The following PKP4 variants were observed in gnomAD, a reference collection of about 807,000 sequenced individuals.
The protein encoded by PKP4 is plakophilin 4.
Under a neutral mutation model 145.1 loss-of-function variants are expected in PKP4, and 90 were observed. That is an observed-to-expected ratio of 0.62 (90% CI 0.52 to 0.74). The LOEUF (loss-of-function observed/expected upper bound fraction) is 0.74, where lower values mean the gene tolerates loss of function less well. Ranked by LOEUF, PKP4 falls within the 30% of genes least tolerant of loss-of-function variation. PKP4 has a pLI of 0.00. For synonymous variants in PKP4, 563 were observed against 577.2 expected (o/e 0.98, Z 0.35); for missense variants, 1,340 against 1,482.7 (o/e 0.90, Z 1.58).
At chr2:158,678,148 G>A (rs965692810) in intron 20 of PKP4, among the ~76,000 whole-genome samples, 2 of 152,110 alleles carry the variant, frequency 1.3e-5, no homozygotes, top group African/African-American at 4.8e-5. Context: ...GAAGGCATGG[G>A]GCTTGTTCGA....
chr2:158,623,211 A>T (rs957177754), intron 6 of PKP4, among the ~76,000 whole-genome samples: 1 of 152,076 alleles, frequency 6.6e-6, no homozygotes, highest in African/African-American at 2.4e-5. Flanking sequence ...TCACTCTGTC[A>T]CCCAGGCTGG....
At chr2:158,523,341 T>G (rs2042607903) in intron 1 of PKP4, among the ~76,000 whole-genome samples, 1 of 71,136 alleles carries the variant, frequency 1.4e-5, no homozygotes, top group African/African-American at 5.8e-5. Context: ...CCGAGCAGCC[T>G]AACCGGGAGG....
chr2:158,572,894 A>G (rs2214903), intron 2 of PKP4, among the ~76,000 whole-genome samples: 55,864 of 152,104 alleles, frequency 0.37, 11,715 homozygotes, highest in East Asian at 0.63. Flanking sequence ...ACTCTCATTT[A>G]TTACTGGCTG....
chr2:158,514,284 C>T (rs2041757701), intron 1 of PKP4, among the ~76,000 whole-genome samples: 1 of 152,164 alleles, frequency 6.6e-6, no homozygotes, highest in African/African-American at 2.4e-5. Flanking sequence ...GAACCAAGAG[C>T]GTATGGTTAG....
intron 11 of PKP4, 42 bp from the exon 12 acceptor site, chr2:158,658,089 C>G (rs1344383463): frequency 9.0e-7 from 1 of 1,109,264 alleles, no homozygotes; most frequent in Admixed American, 2.0e-5. Context: ...TCTAAAGCCA[C>G]AGGATCTCTA....
chr2:158,680,772 A>C lies in PKP4; in HGVS notation c.*95A>C. On this transcript the variant is annotated 3_prime_UTR_variant, in exon 22 of 22. Coordinates refer to ENST00000389759, the MANE Select transcript of PKP4 (RefSeq NM_003628.6). ...GCTGATTTGATGATTGAAATGTGAA[A>C]GTGAAGTGGAAGGAATGAATGAAGT... The C allele has an allele frequency of 9.0e-7, 1 of 1,113,738 alleles. No individual in the cohort carries two copies. Among genetic ancestry groups the C allele is most frequent in the Non-Finnish European group, 1.3e-6 (1 of 774,670 alleles). The allele number at this position is 1,113,738 out of a possible 1,614,324, so 69.0% of individuals were successfully genotyped here.
chr2:158,584,127 CGAGGCCAACT>C (rs1441592384), intron 3 of PKP4, among the ~76,000 whole-genome samples: 1 of 152,174 alleles, frequency 6.6e-6, no homozygotes, highest in African/African-American at 2.4e-5. Context: ...CCCAGTGATT[CGAGGCCAACT>C]GAGGCTCCGG....
chr2:158,542,843 A>G (rs2105667885), intron 2 of PKP4, among the ~76,000 whole-genome samples: 1 of 152,318 alleles, frequency 6.6e-6, no homozygotes, highest in East Asian at 1.9e-4. Flanking sequence ...GAAACAAATG[A>G]CAAATCTAGA....
At chr2:158,462,883 G>C (rs779144883) in intron 1 of PKP4, among the ~76,000 whole-genome samples, 10 of 152,152 alleles carry the variant, frequency 6.6e-5, no homozygotes, top group Non-Finnish European at 1.3e-4. Context: ...TACATGTAAA[G>C]TGCTTACAAC....
chr2:158,665,036 A>C (rs2056952750), intron 15 of PKP4, among the ~76,000 whole-genome samples: 1 of 152,248 alleles, frequency 6.6e-6, no homozygotes, highest in South Asian at 2.1e-4. Context: ...GGCAAAGCTC[A>C]TTTAAAATAT....
At chr2:158,605,783 T>G (rs2050607238) in intron 4 of PKP4, among the ~76,000 whole-genome samples, 1 of 152,200 alleles carries the variant, frequency 6.6e-6, no homozygotes, top group Admixed American at 6.5e-5. Flanking sequence ...CAGTTAGCTG[T>G]CACGCCATTT....
chr2:158,635,126 T>C (rs1329329269), intron 9 of PKP4, among the ~76,000 whole-genome samples: 1 of 152,178 alleles, frequency 6.6e-6, no homozygotes, highest in African/African-American at 2.4e-5. Context: ...CACTGGAAAA[T>C]TGTTATAATT....
chr2:158,569,085 A>G (rs2047222892), intron 2 of PKP4, among the ~76,000 whole-genome samples: 1 of 152,120 alleles, frequency 6.6e-6, no homozygotes, highest in South Asian at 2.1e-4. Flanking sequence ...TTTCTTGTGT[A>G]TTTTTAATGT....
intron 3 of PKP4, among the ~76,000 whole-genome samples, chr2:158,597,883 T>G (rs1375306439): frequency 6.6e-6 from 1 of 152,236 alleles, no homozygotes; most frequent in Non-Finnish European, 1.5e-5. Context: ...CACAGCTCAC[T>G]GCAGCCTTGC....
At position 158,609,848 on chromosome 2, in the gene PKP4, G is replaced by T. The variant is rs142745023; in HGVS notation, c.280+6744G>T. Among the ~76,000 whole-genome samples the T allele has an allele frequency of 1.2e-4, 19 of 152,232 alleles. No homozygotes were observed. The East Asian group carries it at 3.1e-3, about 25-fold the overall frequency. On this transcript the variant is annotated intron_variant, in intron 4 of 21. Transcript: ENST00000389759. ...CTTGTTTGTGTGTTTATTGTTGAGG[G>T]GCTGGGGGCAGAAGTTAAGGAGGGT...
intron 11 of PKP4, among the ~76,000 whole-genome samples, chr2:158,656,062 C>T (rs576612921): frequency 4.7e-4 from 72 of 152,318 alleles, no homozygotes; most frequent in Non-Finnish European, 7.9e-4. Context: ...TATCAAATGT[C>T]TTTTAGATTT....
At chr2:158,469,244 C>G (rs1195307013) in intron 1 of PKP4, among the ~76,000 whole-genome samples, 1 of 152,000 alleles carries the variant, frequency 6.6e-6, no homozygotes, top group African/African-American at 2.4e-5. Context: ...TGCACACCAC[C>G]ATGCCCAGCT....
chr2:158,622,485 T>C (rs763520989), intron 6 of PKP4, among the ~76,000 whole-genome samples: 2 of 152,116 alleles, frequency 1.3e-5, no homozygotes, highest in Non-Finnish European at 2.9e-5. Context: ...GTGCTTTCTT[T>C]AGAGCTGAAA....
chr2:158,633,606 A>C (rs11692293), intron 8 of PKP4, among the ~76,000 whole-genome samples: 29,665 of 152,222 alleles, frequency 0.19, 3,705 homozygotes, highest in Middle Eastern at 0.35. Flanking sequence ...GAAACCATGG[A>C]AAGCAAAACC....
Sources: allele counts gnomAD v4.1 joint callset (sites outside exome capture counted in the v4.1 genomes callset), GRCh38; gene constraint gnomAD v4.1.1; transcripts MANE v1.5; gene names NCBI Gene and HGNC (gene_info 2026-07-23, HGNC 2026-07-21).